Variants in SLCO3A1 observed in about 807,000 individuals in gnomAD.
SLCO3A1 encodes PGE1 transporter.
A neutral mutation model predicts 63.1 loss-of-function variants in SLCO3A1; 27 were observed. The ratio of observed to expected loss-of-function variants is 0.43; its 90% CI spans 0.32 to 0.59. The LOEUF is 0.59. Among genes scored for constraint, SLCO3A1 ranks in the 20% least tolerant of loss-of-function variants. SLCO3A1 has a pLI of 0.09. For missense variants in SLCO3A1, 773 were observed against 945.8 expected (o/e 0.82, Z 2.40); for synonymous variants, 473 against 409.9 (o/e 1.15, Z -1.86).
chr15:92,018,906 A>G (rs2046471754), intron 2 of SLCO3A1, among the ~76,000 whole-genome samples: 1 of 152,146 alleles, frequency 6.6e-6, no homozygotes, highest in African/African-American at 2.4e-5. Context: ...TGATGCCGCT[A>G]CCATCACTCC....
intron 7 of SLCO3A1, among the ~76,000 whole-genome samples, chr15:92,140,730 G>A (rs1316644651): frequency 6.6e-6 from 1 of 152,174 alleles, no homozygotes; most frequent in African/African-American, 2.4e-5. Flanking sequence ...TTACCATTAT[G>A]TAATGGCCTT....
At chr15:92,123,950 T>G (rs1197830429) in intron 5 of SLCO3A1, among the ~76,000 whole-genome samples, 1 of 152,222 alleles carries the variant, frequency 6.6e-6, no homozygotes, top group Non-Finnish European at 1.5e-5. Flanking sequence ...CACCTTCTCC[T>G]GAGCTGGGCA....
intron 7 of SLCO3A1, among the ~76,000 whole-genome samples, chr15:92,140,637 G>A (rs1349610890): frequency 6.6e-6 from 1 of 152,124 alleles, no homozygotes; most frequent in Non-Finnish European, 1.5e-5. Flanking sequence ...GGTCACTCAG[G>A]ACTTGCTTTA....
exon 11 of SLCO3A1, chr15:92,171,959 C>A: frequency 1.1e-6 from 1 of 875,704 alleles, no homozygotes; most frequent in Non-Finnish European, 1.9e-6. Context: ...TCCGAGAACC[C>A]GAGGGTCCCC....
chr15:92,141,944 C>T (rs964534796), intron 7 of SLCO3A1, among the ~76,000 whole-genome samples: 4 of 152,212 alleles, frequency 2.6e-5, no homozygotes, highest in Non-Finnish European at 5.9e-5. Context: ...CCAGCCTGCT[C>T]CCCATGTGTG....
intron 7 of SLCO3A1, among the ~76,000 whole-genome samples, chr15:92,144,374 G>T (rs2048192696): frequency 6.6e-6 from 1 of 152,192 alleles, no homozygotes; most frequent in Non-Finnish European, 1.5e-5. Context: ...CCAGTTATGA[G>T]GAGATGCCCA....
chr15:92,016,254 T>TAGATAGATAGATAGATTAGATAGA lies in SLCO3A1; in HGVS notation c.647-78627_647-78626insAGATAGATAGATAGATTAGATAGA. ...ATAGATAGATAGATAGATAGATAGA[T>TAGATAGATAGATAGATTAGATAGA]TAGATAGATAGATAGATAGATAGAT... On this transcript the variant is annotated intron_variant, in intron 2 of 9. Coordinates refer to ENST00000318445, the MANE Select transcript of SLCO3A1 (RefSeq NM_013272.4). 7.0e-3 allele frequency among the ~76,000 whole-genome samples: 667 copies of TAGATAGATAGATAGATTAGATAGA among 95,550 alleles called. 2 individuals are homozygous for TAGATAGATAGATAGATTAGATAGA. Among genetic ancestry groups the TAGATAGATAGATAGATTAGATAGA allele is most frequent in the Middle Eastern group, 0.015 (2 of 132 alleles). 62.7% of individuals were successfully genotyped at this position (95,550 alleles called of 152,430 possible).
chr15:92,064,142 C>T (rs1250809950), intron 2 of SLCO3A1, among the ~76,000 whole-genome samples: 1 of 152,226 alleles, frequency 6.6e-6, no homozygotes, highest in African/African-American at 2.4e-5. Flanking sequence ...AGGCTTTCAT[C>T]AGTGACCCCC....
intron 7 of SLCO3A1, among the ~76,000 whole-genome samples, 176 bp from the exon 8 acceptor site, chr15:92,146,804 CTTTA>C (rs2048230720): frequency 6.6e-6 from 1 of 151,722 alleles, no homozygotes; most frequent in Non-Finnish European, 1.5e-5. Context: ...GTAAATATTC[CTTTA>C]TTTATGTGTG....
rs114630863 is a variant in SLCO3A1, at chr15:92,064,639, G to A, written c.647-30242G>A. Among the ~76,000 whole-genome samples, 232 of 152,162 alleles carry A rather than the reference G, an allele frequency of 1.5e-3. 1 individual carries two copies. The highest frequency in any genetic ancestry group is 5.0e-3 in the African/African-American group (209 of 41,516). ...GAAATCAACATTAGTACCCATCAAC[G>A]GATGAATGAATAAAGAAAATGTGAT... On this transcript the variant is annotated intron_variant, in intron 2 of 9. Transcript: ENST00000318445.
At chr15:92,074,883 T>G (rs925876) in intron 2 of SLCO3A1, among the ~76,000 whole-genome samples, 4,022 of 152,260 alleles carry the variant, frequency 0.026, 175 homozygotes, top group African/African-American at 0.092. Flanking sequence ...AGGAAAGTAC[T>G]TCACACCCGT....
At chr15:92,127,479 G>A (rs2151567513) in intron 6 of SLCO3A1, among the ~76,000 whole-genome samples, 1 of 152,256 alleles carries the variant, frequency 6.6e-6, no homozygotes, top group South Asian at 2.1e-4. Context: ...AGCCCATGGG[G>A]TTATAATGAG....
Position 91,853,931 on chromosome 15 carries a change from G to C in SLCO3A1, c.23G>C (p.Gly8Ala). 1.4e-6 allele frequency: 2 copies of C among 1,455,946 alleles called. 1 individual carries two copies. The highest frequency in any genetic ancestry group is 1.8e-6 in the Non-Finnish European group (2 of 1,096,218). The allele number at this position is 1,455,946 out of a possible 1,614,324, so 90.2% of individuals were successfully genotyped here. MQGKKPG[G>A]SSGGGRSGEL... is the part of the protein sequence containing the mutation. Reference sequence around the variant, plus strand: ...AGGATGCAGGGGAAGAAGCCGGGCGGTTCGTCGGGCGGCGGCCGGAGCGGC... The same window carrying C: ...AGGATGCAGGGGAAGAAGCCGGGCGCTTCGTCGGGCGGCGGCCGGAGCGGC... The change falls in exon 1 of 10, where the codon GGT becomes GCT. Residue 8 changes from glycine (G) to alanine (A), a missense_variant. Transcript: ENST00000318445.
intron 2 of SLCO3A1, among the ~76,000 whole-genome samples, chr15:91,964,033 G>T (rs539706221): frequency 6.6e-6 from 1 of 152,296 alleles, no homozygotes; most frequent in African/African-American, 2.4e-5. Flanking sequence ...CCAGAGCACT[G>T]ATTGGTGCAT....
chr15:92,055,568 G>C (rs566783298), intron 2 of SLCO3A1, among the ~76,000 whole-genome samples: 1 of 151,910 alleles, frequency 6.6e-6, no homozygotes, highest in Non-Finnish European at 1.5e-5. Context: ...ATTCCACGTC[G>C]TGGTTGCATC....
At chr15:91,983,688 C>CA (rs1427444201) in intron 2 of SLCO3A1, among the ~76,000 whole-genome samples, 1 of 152,124 alleles carries the variant, frequency 6.6e-6, no homozygotes, top group East Asian at 1.9e-4. Flanking sequence ...CTGTGAAAAT[C>CA]AGTGTTTAAA....
chr15:91,923,031 ACT>A (rs1220766564), intron 2 of SLCO3A1, among the ~76,000 whole-genome samples: 2 of 151,226 alleles, frequency 1.3e-5, no homozygotes, highest in African/African-American at 4.9e-5. Context: ...TTTGGACAAG[ACT>A]CTGTGGGCTC....
At chr15:92,099,729 C>T (rs2047581603) in intron 3 of SLCO3A1, among the ~76,000 whole-genome samples, 1 of 152,082 alleles carries the variant, frequency 6.6e-6, no homozygotes, top group East Asian at 1.9e-4. Context: ...ATAAGAACAA[C>T]CCAGAAGTCA....
At chr15:92,031,063 C>T (rs1410330927) in intron 2 of SLCO3A1, among the ~76,000 whole-genome samples, 3 of 151,712 alleles carry the variant, frequency 2.0e-5, no homozygotes, top group Non-Finnish European at 4.4e-5. Context: ...GATGTTTCAT[C>T]AATGTTGCCA....
Sources: allele counts gnomAD v4.1 joint callset (sites outside exome capture counted in the v4.1 genomes callset), GRCh38; gene constraint gnomAD v4.1.1; transcripts MANE v1.5; gene names NCBI Gene and HGNC (gene_info 2026-07-23, HGNC 2026-07-21).